NFATC3: variants seen among roughly 807,000 people sequenced by gnomAD.
The protein encoded by NFATC3 is nuclear factor of activated T-cells, cytoplasmic 3.
NFATC3 carries 46 observed loss-of-function variants against 98.6 expected under a neutral mutation model. That is an observed-to-expected ratio of 0.47 (90% CI 0.37 to 0.60). NFATC3 has a LOEUF of 0.60. Among genes scored for constraint, NFATC3 ranks in the 20% least tolerant of loss-of-function variants. The pLI, the probability that NFATC3 is intolerant of heterozygous loss-of-function variation, is 0.00. For missense variants in NFATC3, 1,256 were observed against 1,295.5 expected (o/e 0.97, Z 0.47); for synonymous variants, 512 against 472.2 (o/e 1.08, Z -1.09).
intron 6 of NFATC3, among the ~76,000 whole-genome samples, chr16:68,180,597 C>T (rs2039911483): frequency 6.6e-6 from 1 of 150,868 alleles, no homozygotes; most frequent in Non-Finnish European, 1.5e-5. Context: ...GTGTGCTGCA[C>T]CCATTAACTT....
intron 1 of NFATC3, chr16:68,086,669 T>G: frequency 1.0e-6 from 1 of 985,364 alleles, no homozygotes; most frequent in Admixed American, 6.1e-5. Context: ...TGGATAAGAG[T>G]AATCCCTATT....
At chr16:68,187,429 T>C (rs1424496895) in intron 8 of NFATC3, among the ~76,000 whole-genome samples, 1 of 152,218 alleles carries the variant, frequency 6.6e-6, no homozygotes, top group Non-Finnish European at 1.5e-5. Flanking sequence ...ACTGAGTTCT[T>C]GTCCTGTGCC....
chr16:68,091,744 C>A (rs903180808), intron 1 of NFATC3, among the ~76,000 whole-genome samples: 1 of 152,188 alleles, frequency 6.6e-6, no homozygotes, highest in Non-Finnish European at 1.5e-5. Context: ...TTGCTCACAG[C>A]AGTAACATAA....
At chr16:68,214,951 G>T (rs1202790348) in intron 9 of NFATC3, among the ~76,000 whole-genome samples, 1 of 152,168 alleles carries the variant, frequency 6.6e-6, no homozygotes, top group East Asian at 1.9e-4. Context: ...GCCAGTGTCT[G>T]TGTCTAGGCT....
chr16:68,157,093 C>G (rs2038656319), intron 3 of NFATC3, among the ~76,000 whole-genome samples: 1 of 151,974 alleles, frequency 6.6e-6, no homozygotes, highest in African/African-American at 2.4e-5. Context: ...CCTGCTTTCA[C>G]TACTGCGATT....
At chr16:68,219,401 TAAAA>T (rs1567555571) in intron 9 of NFATC3, among the ~76,000 whole-genome samples, 2 of 151,092 alleles carry the variant, frequency 1.3e-5, no homozygotes, top group African/African-American at 4.9e-5. Flanking sequence ...TAAATAAAAA[TAAAA>T]AAATAAATTA....
At chr16:68,214,364 G>C in intron 9 of NFATC3, 1 of 1,614,194 alleles carries the variant, frequency 6.2e-7, no homozygotes, top group Non-Finnish European at 8.5e-7. Context: ...CCAGCCATCA[G>C]GTTCAGCAGA....
intron 1 of NFATC3, among the ~76,000 whole-genome samples, chr16:68,100,901 GTGT>G (rs1384067673): frequency 1.4e-5 from 2 of 143,884 alleles, no homozygotes; most frequent in East Asian, 1.9e-4. Flanking sequence ...GTGTGTGTGT[GTGT>G]GGGGTGTGTG....
chr16:68,148,941 G>A (rs1183770727), intron 3 of NFATC3, among the ~76,000 whole-genome samples: 6 of 152,086 alleles, frequency 3.9e-5, no homozygotes, highest in Non-Finnish European at 8.8e-5. Flanking sequence ...CCTGGGAGGT[G>A]GAGGTTGCAG....
chr16:68,126,694 T>A (rs887963724), intron 3 of NFATC3, 84 bp downstream of exon 3: 18 of 1,372,236 alleles, frequency 1.3e-5, no homozygotes, highest in Non-Finnish European at 1.8e-5. Flanking sequence ...TACTAGAGAG[T>A]GCAAAGAGCA....
chr16:68,198,223 T>G (rs2040755472), intron 9 of NFATC3, among the ~76,000 whole-genome samples: 1 of 151,924 alleles, frequency 6.6e-6, no homozygotes, highest in Non-Finnish European at 1.5e-5. Context: ...GAGGCTGAAG[T>G]GGGAAGATTG....
At chr16:68,089,157 A>G (rs752317604) in intron 1 of NFATC3, 5 of 985,310 alleles carry the variant, frequency 5.1e-6, no homozygotes, top group South Asian at 4.7e-5. Context: ...TACTTGTATC[A>G]CAACTAAATT....
intron 5 of NFATC3, among the ~76,000 whole-genome samples, chr16:68,170,784 C>T (rs1473734191): frequency 2.6e-5 from 4 of 152,116 alleles, no homozygotes; most frequent in East Asian, 1.9e-4. Flanking sequence ...TAAGCCACTG[C>T]GCCCGGCCTC....
At chr16:68,101,594 T>C (rs1032182876) in intron 1 of NFATC3, among the ~76,000 whole-genome samples, 2 of 151,872 alleles carry the variant, frequency 1.3e-5, no homozygotes, top group South Asian at 2.1e-4. Flanking sequence ...CGCCATTCTC[T>C]TGTCTCAGCC....
At chr16:68,171,302 C>T (rs2039448202) in intron 5 of NFATC3, among the ~76,000 whole-genome samples, 1 of 152,100 alleles carries the variant, frequency 6.6e-6, no homozygotes, top group Admixed American at 6.6e-5. Context: ...AGCCAACGCA[C>T]CCAGCCTGTG....
chr16:68,135,189 T>C (rs971083485), intron 3 of NFATC3, among the ~76,000 whole-genome samples: 2 of 151,986 alleles, frequency 1.3e-5, no homozygotes, highest in African/African-American at 4.8e-5. Context: ...CCGGGCGCGG[T>C]GGCTCACGCA....
At chr16:68,201,409 GTTTT>G (rs1380473445) in intron 9 of NFATC3, among the ~76,000 whole-genome samples, 3 of 151,346 alleles carry the variant, frequency 2.0e-5, no homozygotes, top group African/African-American at 7.3e-5. Flanking sequence ...TTTTTGGGGG[GTTTT>G]TTGTTTGTTT....
At chr16:68,184,794 ACT>A (rs1252838986) in intron 8 of NFATC3, among the ~76,000 whole-genome samples, 6 of 151,624 alleles carry the variant, frequency 4.0e-5, no homozygotes, top group Middle Eastern at 3.4e-3. Context: ...ACAGAGCGAG[ACT>A]CTGTCTCAAA....
At chr16:68,175,081 T>C (rs757291957) in intron 6 of NFATC3, among the ~76,000 whole-genome samples, 1 of 152,190 alleles carries the variant, frequency 6.6e-6, no homozygotes, top group Non-Finnish European at 1.5e-5. Context: ...CAATGGAATA[T>C]TACTTGGTTA....
Sources: gnomAD v4.1 joint callset for allele counts (sites outside exome capture counted in the v4.1 genomes callset) on GRCh38, gnomAD v4.1.1 for gene constraint, MANE v1.5 for transcripts, NCBI Gene and HGNC (gene_info 2026-07-23, HGNC 2026-07-21) for gene names.